Variants in PNN observed in about 807,000 individuals in gnomAD.
PNN encodes the protein pinin, desmosome associated protein, also known as pinin.
PNN carries 38 observed loss-of-function variants against 76.6 expected under a neutral mutation model. The ratio of observed to expected loss-of-function variants is 0.50; its 90% CI spans 0.38 to 0.65. The LOEUF is 0.65. Ranked by LOEUF, PNN falls within the 30% of genes least tolerant of loss-of-function variation. The probability of loss-of-function intolerance (pLI) is 0.00; values close to 1 mark genes in which losing one functional copy is unlikely to be tolerated. For missense variants in PNN, 873 were observed against 874.1 expected, an observed-to-expected ratio of 1.00 and a Z score of 0.02; for synonymous variants, 366 against 283.7, an observed-to-expected ratio of 1.29 and a Z score of -2.91.
intron 8 of PNN, among the ~76,000 whole-genome samples, chr14:39,179,756 G>A (rs2139403089): frequency 6.6e-6 from 1 of 152,156 alleles, no homozygotes; most frequent in South Asian, 2.1e-4. Flanking sequence ...AAAAAAATTA[G>A]CTGGGCATGG....
In PNN at chr14:39,181,170, A is replaced by G. The variant is rs1389563127; in HGVS notation, c.1461A>G (p.Gln487=). 2 of 1,607,846 alleles carry G rather than the reference A, an allele frequency of 1.2e-6. No homozygotes were observed. The highest frequency in any genetic ancestry group is 2.7e-5 in the African/African-American group (2 of 74,924). The change falls in exon 9 of 9, where the codon CAA becomes CAG. Residue 487 remains glutamine, a synonymous_variant. Coordinates refer to ENST00000216832, the MANE Select transcript of PNN (RefSeq NM_002687.4). ...QPQSQPQLQL[Q]SQSQPVLQSQ... ...AGTCTCAGCCCCAGCTTCAGCTTCA[A>G]TCCCAGTCCCAACCAGTACTCCAGT... is the stretch of plus-strand genomic sequence containing the variant.
chr14:39,181,715 G>T lies in PNN; in HGVS notation c.2006G>T (p.Gly669Val), dbSNP rs1481571788. ...GAAAGAAGTCACAAATCTTCAAAAG[G>T]TGGTAGTAGTAGAGATACAAAAGGA... The part of the protein sequence containing the change: ...GLERSHKSSK[G>V]GSSRDTKGSK... Residue 669 changes from glycine (G) to valine (V), a missense_variant, in exon 9 of 9, where the codon GGT (glycine) becomes GTT (valine). By Grantham distance (109) the Gly-to-Val change is moderately radical (BLOSUM62 -3). Transcript: ENST00000216832. 3 of 1,614,022 alleles carry T rather than the reference G, an allele frequency of 1.9e-6. No homozygotes were observed. The highest frequency in any genetic ancestry group is 1.3e-5 in the African/African-American group (1 of 74,928).
chr14:39,180,067 A>G (rs528521163), intron 8 of PNN, among the ~76,000 whole-genome samples: 142 of 152,266 alleles, frequency 9.3e-4, no homozygotes, highest in African/African-American at 2.9e-3. Flanking sequence ...TATTGTTCTG[A>G]TAAAATGCTA....
chr14:39,181,403 G>C lies in PNN; in HGVS notation c.1694G>C (p.Arg565Pro), dbSNP rs764275187. Reference protein sequence around the residue: ...KTKTRSRSRGRARNKTSKSRS... With the variant: ...KTKTRSRSRGPARNKTSKSRS... The stretch of plus-strand genomic sequence containing the variant: ...AAAACTAGGAGCAGAAGTAGAGGTC[G>C]AGCTAGAAATAAAACAAGCAAGAGT... Residue 565 changes from arginine to proline, a missense_variant, in exon 9 of 9, where the codon CGA (arginine) becomes CCA (proline). Around this residue, in one of 3 missense-constraint regions of PNN, gnomAD observed 712 missense variants for 693.1 expected, o/e 1.03. Transcript: ENST00000216832. The C allele has an allele frequency of 1.2e-6, 2 of 1,614,212 alleles. No individual in the cohort carries two copies. Among genetic ancestry groups the C allele is most frequent in the East Asian group, 2.2e-5 (1 of 44,888 alleles).
chr14:39,180,376 C>T, intron 8 of PNN, 127 bp from the exon 9 acceptor site: 2 of 991,316 alleles, frequency 2.0e-6, no homozygotes, highest in Non-Finnish European at 2.8e-6. Flanking sequence ...TTGCCATAAT[C>T]TTTTGTCATA....
rs1223076764 is a variant in PNN, at chr14:39,179,423, A to G, written c.754A>G (p.Thr252Ala). ...FYIPGRMCPATQKLIEESQRK... is the reference protein window; with the variant it reads ...FYIPGRMCPAAQKLIEESQRK... ...TATTCCTGGAAGAATGTGTCCAGCT[A>G]CCCAAAAACTAATAGAAGAGTCACA... The change falls in exon 8 of 9, where the codon ACC (threonine) becomes GCC (alanine). Residue 252 changes from threonine (T) to alanine (A), a missense_variant. Around this residue, in one of 3 missense-constraint regions of PNN, gnomAD observed 712 missense variants for 693.1 expected, o/e 1.03. Transcript: ENST00000216832. 6.2e-7 allele frequency: 1 copy of G among 1,613,270 alleles called. No individual in the cohort carries two copies. Among genetic ancestry groups the G allele is most frequent in the African/African-American group, 1.3e-5 (1 of 75,032 alleles).
rs1466516256 is a variant in PNN at position 39,177,825 on chromosome 14, T to C, written c.423-16T>C. The C allele has an allele frequency of 5.0e-6, 8 of 1,596,896 alleles. No homozygotes were observed. The highest frequency in any genetic ancestry group is 6.9e-6 in the Non-Finnish European group (8 of 1,164,834). Reference sequence around the variant, plus strand: ...TGGATCCTGTTGACAGTAAATTTTCTTATTCTGTTCTTTAGGAACCGGCGA... The same window carrying C: ...TGGATCCTGTTGACAGTAAATTTTCCTATTCTGTTCTTTAGGAACCGGCGA... On this transcript the variant is annotated splice_polypyrimidine_tract_variant and intron_variant, in intron 5 of 8. Transcript: ENST00000216832.
intron 3 of PNN, 22 bp downstream of exon 3, chr14:39,176,617 T>C (rs376439511): frequency 1.7e-5 from 25 of 1,437,762 alleles, no homozygotes; most frequent in Middle Eastern, 1.7e-4. Flanking sequence ...AAAAGATTCC[T>C]GAAGGCTTCT....
At chr14:39,177,318 C>G (rs2053234950) in intron 3 of PNN, 94 bp from the exon 4 acceptor site, 1 of 957,936 alleles carries the variant, frequency 1.0e-6, no homozygotes, top group Admixed American at 2.2e-5. Flanking sequence ...CCTGGGAGGT[C>G]GAGGCTGCAG....
At chr14:39,178,940 G>C (rs1389881727) in intron 6 of PNN, 151 bp from the exon 7 acceptor site, 2 of 670,534 alleles carry the variant, frequency 3.0e-6, no homozygotes, top group Non-Finnish European at 2.4e-6. Flanking sequence ...GGTGGTGTTG[G>C]CTTCTGACTT....
At chr14:39,177,328 G>A in intron 3 of PNN, 84 bp from the exon 4 acceptor site, 1 of 1,100,904 alleles carries the variant, frequency 9.1e-7, no homozygotes, top group Non-Finnish European at 1.3e-6. Context: ...CGAGGCTGCA[G>A]TGAACCGTGG....
chr14:39,181,386 GAGC>G lies in PNN; in HGVS notation c.1680_1682del (p.Ser560del). 1 of 1,614,222 alleles carries G rather than the reference GAGC, an allele frequency of 6.2e-7. No individual in the cohort carries two copies. The highest frequency in any genetic ancestry group is 1.1e-5 in the South Asian group (1 of 91,082). On this transcript the variant is annotated inframe_deletion, in exon 9 of 9. Transcript: ENST00000216832. ...AGAGCAAGAGCAAAACCAAAACTAG[GAGC>G]AGAAGTAGAGGTCGAGCTAGAAATA... is the stretch of plus-strand genomic sequence containing the variant.
intron 1 of PNN, 53 bp downstream of exon 1, chr14:39,175,445 G>C: frequency 8.8e-7 from 1 of 1,142,382 alleles, no homozygotes; most frequent in South Asian, 1.3e-5. Flanking sequence ...CAGCCCTCAG[G>C]TCGGGGTGAA....
rs754940667 is a variant in PNN, at chr14:39,181,748, A to C, written c.2039A>C (p.Asp680Ala). 6.2e-7 allele frequency: 1 copy of C among 1,614,174 alleles called. No homozygotes were observed. Among genetic ancestry groups the C allele is most frequent in the South Asian group, 1.1e-5 (1 of 91,086 alleles). ...AGTAGAGATACAAAAGGATCAAAGG[A>C]TAAGAATTCCCGGTCCGACAGAAAG... The part of the protein sequence containing the change: ...GSSRDTKGSK[D>A]KNSRSDRKRS... The change falls in exon 9 of 9, where the codon GAT becomes GCT. Residue 680 changes from aspartate to alanine, a missense_variant. Physicochemically the swap from Asp to Ala is moderately radical, Grantham distance 126 (BLOSUM62 -2). Around this residue, in one of 3 missense-constraint regions of PNN, gnomAD observed 712 missense variants for 693.1 expected, o/e 1.03. Coordinates refer to ENST00000216832, the MANE Select transcript of PNN (RefSeq NM_002687.4).
In PNN at chr14:39,179,208, C is replaced by G; in HGVS notation, c.616C>G (p.Leu206Val). Residue 206 changes from leucine (L) to valine (V), a missense_variant, in exon 7 of 9, where the codon CTG becomes GTG. Physicochemically the swap from Leu to Val is conservative, Grantham distance 32. Coordinates refer to ENST00000216832, the MANE Select transcript of PNN (RefSeq NM_002687.4). ...FEERRAKQTELRLLEQKVELA... is the reference protein window; with the variant it reads ...FEERRAKQTEVRLLEQKVELA... ...AGAGAGGCGTGCTAAACAGACAGAA[C>G]TGCGGCTTTTGGAACAGAAAGTTGA... 1 of 1,613,114 alleles carries G rather than the reference C, an allele frequency of 6.2e-7. No individual in the cohort carries two copies. The highest frequency in any genetic ancestry group is 8.5e-7 in the Non-Finnish European group (1 of 1,179,808).
In PNN at chr14:39,179,456, A is replaced by T. The variant is rs1644615300; in HGVS notation, c.787A>T (p.Met263Leu). ...QKLIEESQRK[M>L]NALFEGRRIE... is the part of the protein sequence containing the mutation. The stretch of plus-strand genomic sequence containing the variant: ...ACTAATAGAAGAGTCACAGAGAAAA[A>T]TGAACGGTAAGTATGCGAAGAGGTC... Residue 263 changes from methionine (M) to leucine (L), a missense_variant, in exon 8 of 9, where the codon ATG (methionine) becomes TTG (leucine). By Grantham distance (15) the Met-to-Leu change is conservative (BLOSUM62 2). Around this residue, in one of 3 missense-constraint regions of PNN, gnomAD observed 712 missense variants for 693.1 expected, o/e 1.03. Transcript: ENST00000216832. 6.2e-7 allele frequency: 1 copy of T among 1,611,726 alleles called. No homozygotes were observed. The highest frequency in any genetic ancestry group is 1.7e-5 in the Admixed American group (1 of 59,498).
At chr14:39,175,799 C>G in intron 1 of PNN, 1 of 484,306 alleles carries the variant, frequency 2.1e-6, no homozygotes, top group Non-Finnish European at 3.6e-6. Flanking sequence ...TGTCCACGTG[C>G]AGCCTCCTCG....
chr14:39,181,687 C>T lies in PNN; in HGVS notation c.1978C>T (p.Leu660=). The change falls in exon 9 of 9, where the codon CTA becomes TTA. Residue 660 remains leucine, a synonymous_variant. Transcript: ENST00000216832. Reference sequence around the variant, plus strand: ...TCGGAAGAGAAGGGATACTTCAGGACTAGAAAGAAGTCACAAATCTTCAAA... The same window carrying T: ...TCGGAAGAGAAGGGATACTTCAGGATTAGAAAGAAGTCACAAATCTTCAAA... ...VDRKRRDTSG[L]ERSHKSSKGG... The T allele has an allele frequency of 6.2e-7, 1 of 1,613,800 alleles. No individual in the cohort carries two copies. Among genetic ancestry groups the T allele is most frequent in the Non-Finnish European group, 8.5e-7 (1 of 1,179,866 alleles).
At chr14:39,177,987 A>G in intron 6 of PNN, 71 bp downstream of exon 6, 4 of 1,012,828 alleles carry the variant, frequency 3.9e-6, no homozygotes, top group Non-Finnish European at 3.1e-6. Flanking sequence ...TTTTTTTTAA[A>G]AAATCCTTAA....
Sources: gnomAD v4.1 joint callset for allele counts (sites outside exome capture counted in the v4.1 genomes callset) on GRCh38, gnomAD v4.1.1 for gene constraint, gnomAD v4.1.1 regional missense constraint, MANE v1.5 for transcripts, NCBI Gene and HGNC (gene_info 2026-07-23, HGNC 2026-07-21) for gene names.